The following HYKK variants were observed in gnomAD, a reference collection of about 807,000 sequenced individuals.
The protein encoded by HYKK is 5-hydroxy-L-lysine kinase.
HYKK carries 19 observed loss-of-function variants against 29.7 expected under a neutral mutation model. The ratio of observed to expected loss-of-function variants is 0.64; its 90% confidence interval spans 0.45 to 0.94. The LOEUF (loss-of-function observed/expected upper bound fraction) is 0.94, where lower values mean the gene tolerates loss of function less well. Ranked by LOEUF, HYKK falls within the 40% of genes least tolerant of loss-of-function variation. The pLI is 0.00. For synonymous variants in HYKK, 152 were observed against 158.1 expected, an observed-to-expected ratio of 0.96 and a Z score of 0.29; for missense variants, 390 against 443.4, an observed-to-expected ratio of 0.88 and a Z score of 1.08.
intron 3 of HYKK, among the ~76,000 whole-genome samples, chr15:78,520,629 G>T (rs1209342966): frequency 2.0e-5 from 3 of 152,158 alleles, no homozygotes; most frequent in African/African-American, 7.2e-5. Flanking sequence ...AAGTCTCCCA[G>T]GTCTACTTCT....
chr15:78,508,818 A>T (rs1038434722), intron 1 of HYKK, among the ~76,000 whole-genome samples: 2 of 141,960 alleles, frequency 1.4e-5, no homozygotes, highest in Non-Finnish European at 3.0e-5. Flanking sequence ...CCAAGGTAGG[A>T]GGATTGCTTG....
At chr15:78,519,709 C>T (rs939772163) in intron 3 of HYKK, among the ~76,000 whole-genome samples, 1 of 152,022 alleles carries the variant, frequency 6.6e-6, no homozygotes, top group African/African-American at 2.4e-5. Flanking sequence ...TGCAGTGAGG[C>T]GAGACCGCAC....
intron 3 of HYKK, 89 bp from the exon 4 acceptor site, chr15:78,527,285 CAAAAAA>C (rs564443255): frequency 2.1e-4 from 157 of 760,706 alleles, no homozygotes; most frequent in Middle Eastern, 8.3e-4. Context: ...GACTCTGTCT[CAAAAAA>C]AAAAAAAAAA....
At chr15:78,524,928 C>T (rs1211496710) in intron 3 of HYKK, among the ~76,000 whole-genome samples, 1 of 152,166 alleles carries the variant, frequency 6.6e-6, no homozygotes, top group Non-Finnish European at 1.5e-5. Context: ...CCCTATGATC[C>T]AATCACCACC....
intron 3 of HYKK, 96 bp downstream of exon 3, chr15:78,515,203 T>C (rs2052118450): frequency 4.5e-6 from 4 of 893,110 alleles, no homozygotes; most frequent in South Asian, 2.2e-5. Context: ...TTTTTATGTA[T>C]GGTGCTACCT....
intron 3 of HYKK, among the ~76,000 whole-genome samples, chr15:78,521,545 G>C (rs1267899004): frequency 6.6e-6 from 1 of 152,018 alleles, no homozygotes; most frequent in African/African-American, 2.4e-5. Context: ...TAGGCTAATA[G>C]AGAGTACTGA....
intron 4 of HYKK, chr15:78,528,715 T>C: frequency 2.9e-6 from 1 of 349,370 alleles, no homozygotes; most frequent in Non-Finnish European, 4.0e-6. Flanking sequence ...GGCAGAAGAA[T>C]TGCTTGAACC....
intron 1 of HYKK, among the ~76,000 whole-genome samples, chr15:78,511,518 A>G (rs2052072640): frequency 6.6e-6 from 1 of 151,900 alleles, no homozygotes; most frequent in Non-Finnish European, 1.5e-5. Flanking sequence ...ACTTAAGCCC[A>G]GAAATTCAAG....
chr15:78,533,409 C>G lies in HYKK; in HGVS notation c.861C>G (p.Val287=). 1.9e-6 allele frequency: 3 copies of G among 1,614,150 alleles called. No homozygotes were observed. The highest frequency in any genetic ancestry group is 1.7e-6 in the Non-Finnish European group (2 of 1,180,030). The part of the protein sequence containing the change: ...SKSPIQVGGH[V]LAGFESITPL... ...GTCCTATACAAGTAGGAGGCCATGT[C>G]CTTGCAGGGTTTGAAAGCATCACCC... Residue 287 remains valine, a synonymous_variant, in exon 5 of 5, where the codon GTC becomes GTG. Transcript: ENST00000388988.
At chr15:78,525,800 G>A (rs1318053301) in intron 3 of HYKK, among the ~76,000 whole-genome samples, 1 of 152,218 alleles carries the variant, frequency 6.6e-6, no homozygotes, top group Non-Finnish European at 1.5e-5. Flanking sequence ...CGCCCAGCCA[G>A]AATATAATTT....
rs2141366230 is a variant in HYKK at position 78,533,691 on chromosome 15, A to G, written c.*21A>G. 3.8e-6 allele frequency: 6 copies of G among 1,558,734 alleles called. No homozygotes were observed. The highest frequency in any genetic ancestry group is 5.3e-6 in the Non-Finnish European group (6 of 1,133,498). On this transcript the variant is annotated 3_prime_UTR_variant, in exon 5 of 5. Transcript: ENST00000388988. ...TGTGACTGAGATCTCCATGTGACTC[A>G]AAGTTCACTTTAACTTGGGTAATTA...
At chr15:78,508,512 C>G (rs953447994) in intron 1 of HYKK, among the ~76,000 whole-genome samples, 1 of 152,098 alleles carries the variant, frequency 6.6e-6, no homozygotes, top group African/African-American at 2.4e-5. Flanking sequence ...CCAGCCCCCT[C>G]CCGGCTGCAG....
chr15:78,515,771 G>A (rs576481461), intron 3 of HYKK, among the ~76,000 whole-genome samples: 21 of 151,970 alleles, frequency 1.4e-4, no homozygotes, highest in South Asian at 2.1e-4. Context: ...TGTATTTTTA[G>A]TAGAGACGAG....
At chr15:78,514,786 G>C (rs997631111) in intron 2 of HYKK, among the ~76,000 whole-genome samples, 182 bp from the exon 3 acceptor site, 1 of 151,974 alleles carries the variant, frequency 6.6e-6, no homozygotes, top group Non-Finnish European at 1.5e-5. Flanking sequence ...ATCCTGCCGA[G>C]CTGTTTTAGG....
chr15:78,531,529 A>G (rs572400470), intron 4 of HYKK, among the ~76,000 whole-genome samples: 2 of 151,958 alleles, frequency 1.3e-5, no homozygotes, highest in South Asian at 4.2e-4. Context: ...TTTGCCATAT[A>G]TATGTATATA....
At position 78,518,595 on chromosome 15, in the gene HYKK, A is replaced by G. The variant is rs1175032600; in HGVS notation, c.477+3488A>G. Reference sequence around the variant, plus strand: ...TTTTGCTTTTTCTGGCAGGAGGGTAAGCCCCGCGTTACACCCCTATTGGCC... The same window carrying G: ...TTTTGCTTTTTCTGGCAGGAGGGTAGGCCCCGCGTTACACCCCTATTGGCC... On this transcript the variant is annotated intron_variant, in intron 3 of 4. Transcript: ENST00000388988. The G allele has an allele frequency of 6.6e-6, 3 of 455,892 alleles. No homozygotes were observed. The East Asian group carries it at 2.1e-4, about 32-fold the overall frequency. 28.2% of individuals were successfully genotyped at this position (455,892 alleles called of 1,614,324 possible).
At chr15:78,512,168 C>A (rs1200089352) in intron 1 of HYKK, among the ~76,000 whole-genome samples, 1 of 152,056 alleles carries the variant, frequency 6.6e-6, no homozygotes, top group Non-Finnish European at 1.5e-5. Flanking sequence ...GGTTCTCTGG[C>A]CTTATCTCCT....
Position 78,522,487 on chromosome 15 carries a change from A to G in HYKK, c.478-4893A>G, listed in dbSNP as rs1367527947. ...GGCAGGAGAATCGTTTGAGCCTGGG[A>G]GATGGAGGTTGCAGTGAACTGAGAT... On this transcript the variant is annotated intron_variant, in intron 3 of 4. Coordinates refer to ENST00000388988, the MANE Select transcript of HYKK (RefSeq NM_001013619.4). 2.8e-5 allele frequency among the ~76,000 whole-genome samples: 4 copies of G among 143,886 alleles called. No individual in the cohort carries two copies. In the East Asian group the frequency reaches 6.8e-4, roughly 24 times the overall value. 94.4% of individuals were successfully genotyped at this position (143,886 alleles called of 152,430 possible). A position where few individuals can be genotyped will look rare whatever the true frequency, so the allele number is the denominator to read the frequency against.
At chr15:78,521,311 A>C (rs1412984500) in intron 3 of HYKK, among the ~76,000 whole-genome samples, 2 of 152,064 alleles carry the variant, frequency 1.3e-5, no homozygotes, top group Non-Finnish European at 2.9e-5. Flanking sequence ...AGATTTCATT[A>C]ATTATAAGAA....
Sources: gnomAD v4.1 joint callset for allele counts (sites outside exome capture counted in the v4.1 genomes callset) on GRCh38, gnomAD v4.1.1 for gene constraint, MANE v1.5 for transcripts, NCBI Gene and HGNC (gene_info 2026-07-23, HGNC 2026-07-21) for gene names.